PCDHGB3: variants seen among roughly 807,000 people sequenced by gnomAD.
PCDHGB3 encodes the protein protocadherin gamma-B3.
In PCDHGB3, 40 loss-of-function variants were observed where a neutral mutation model predicts 59.2. The ratio of observed to expected loss-of-function variants is 0.68; its 90% confidence interval spans 0.52 to 0.88. The LOEUF (loss-of-function observed/expected upper bound fraction) is 0.88, where lower values mean the gene tolerates loss of function less well. PCDHGB3 is among the 40% of genes least tolerant of loss of function. The pLI is 0.00. For synonymous variants in PCDHGB3, 581 were observed against 503.6 expected (o/e 1.15, Z -2.06); for missense variants, 1,309 against 1,187.9 (o/e 1.10, Z -1.50).
intron 1 of PCDHGB3, chr5:141,415,696 G>A (rs867312295): frequency 2.9e-6 from 4 of 1,397,470 alleles, no homozygotes; most frequent in Non-Finnish European, 3.8e-6. Flanking sequence ...GGTGGAAAGT[G>A]TAAATGCTAA....
intron 1 of PCDHGB3, among the ~76,000 whole-genome samples, chr5:141,466,063 A>G (rs554503713): frequency 3.3e-5 from 5 of 152,268 alleles, no homozygotes; most frequent in Admixed American, 6.5e-5. Context: ...CGGAGCTTGC[A>G]GTGAGCTGAT....
rs773383689 is a variant in PCDHGB3, at chr5:141,383,358, G to T, written c.2415+10549G>T. 5 of 1,613,982 alleles carry T rather than the reference G, an allele frequency of 3.1e-6. No individual in the cohort carries two copies. The South Asian group carries it at 3.3e-5, about 11-fold the overall frequency. ...ATACAGCTCCTGGGGTTCGGTTTCC[G>T]TTAAGCGAGGCTGGGGATCCAGATG... On this transcript the variant is annotated intron_variant, in intron 1 of 3. Transcript: ENST00000576222.
intron 1 of PCDHGB3, chr5:141,426,967 T>G (rs151241654): frequency 2.2e-6 from 1 of 456,702 alleles, no homozygotes; most frequent in East Asian, 6.9e-5. Context: ...GCAATTCAAA[T>G]TGAGGTCACT....
At chr5:141,374,580 C>T (rs745902303) in intron 1 of PCDHGB3, 1 of 1,613,706 alleles carries the variant, frequency 6.2e-7, no homozygotes, top group Non-Finnish European at 8.5e-7. Context: ...GGAATGAACT[C>T]CCTTCAGGGA....
Position 141,371,589 on chromosome 5 carries a change from A to G in PCDHGB3, c.1195A>G (p.Lys399Glu). Residue 399 changes from lysine to glutamate, a missense_variant, in exon 1 of 4, where the codon AAA (lysine) becomes GAA (glutamate). Physicochemically the swap from Lys to Glu is moderately conservative, Grantham distance 56. Transcript: ENST00000576222. ...CCCCTTTAAAATCGTTCAAGATACC[A>G]AAAACACATACAGGTTGGTGACAGA... ...NFPFKIVQDT[K>E]NTYRLVTDGA... 6.2e-7 allele frequency: 1 copy of G among 1,613,602 alleles called. No homozygotes were observed. Among genetic ancestry groups the G allele is most frequent in the Non-Finnish European group, 8.5e-7 (1 of 1,179,528 alleles).
chr5:141,383,074 C>T, intron 1 of PCDHGB3: 3 of 1,613,886 alleles, frequency 1.9e-6, no homozygotes, highest in Non-Finnish European at 2.5e-6. Context: ...GCCCCGGGAG[C>T]TGGCGGAGCG....
intron 2 of PCDHGB3, among the ~76,000 whole-genome samples, chr5:141,499,869 G>A (rs1247615457): frequency 3.3e-5 from 5 of 151,938 alleles, no homozygotes; most frequent in Non-Finnish European, 5.9e-5. Context: ...TGTATTTTCA[G>A]TACAAACAGG....
intron 1 of PCDHGB3, among the ~76,000 whole-genome samples, chr5:141,488,117 G>A (rs1231303931): frequency 6.6e-6 from 1 of 152,190 alleles, no homozygotes; most frequent in African/African-American, 2.4e-5. Flanking sequence ...GAAACATAGA[G>A]ACAGCAGAAA....
At chr5:141,450,829 ATT>A (rs373424450) in intron 1 of PCDHGB3, among the ~76,000 whole-genome samples, 3 of 135,116 alleles carry the variant, frequency 2.2e-5, no homozygotes, top group African/African-American at 2.7e-5. Flanking sequence ...TATTATTATT[ATT>A]TTTTTTTTTT....
chr5:141,374,241 G>T lies in PCDHGB3; in HGVS notation c.2415+1432G>T, dbSNP rs761928573. The T allele has an allele frequency of 2.5e-6, 4 of 1,614,020 alleles. No homozygotes were observed. In the Admixed American group the frequency reaches 6.7e-5, roughly 27 times the overall value. On this transcript the variant is annotated intron_variant, in intron 1 of 3. Transcript: ENST00000576222. Reference sequence around the variant, plus strand: ...GTAGGCAACATCGTCAAGGATCTGGGACTGGAGCCCCAGGAGTTGGCGGAG... The same window carrying T: ...GTAGGCAACATCGTCAAGGATCTGGTACTGGAGCCCCAGGAGTTGGCGGAG...
chr5:141,380,676 T>TA (rs1776652796), intron 1 of PCDHGB3, among the ~76,000 whole-genome samples: 1 of 152,246 alleles, frequency 6.6e-6, no homozygotes, highest in Non-Finnish European at 1.5e-5. Flanking sequence ...ATAGGGTATG[T>TA]ATGCTTTGTG....
rs766164142 is a variant in PCDHGB3, at chr5:141,477,910, G to A, written c.2416-16897G>A. On this transcript the variant is annotated intron_variant, in intron 1 of 3. Transcript: ENST00000576222. The surrounding 1 kb of genome is among the most constrained non-coding windows in gnomAD (Gnocchi z 4.9). ...TGTCACGGGTGGTAGGCTGGGACGC[G>A]GATGCAGGGCACAATGCCTGGCTCT... 6.2e-7 allele frequency: 1 copy of A among 1,614,166 alleles called. No individual in the cohort carries two copies. Among genetic ancestry groups the A allele is most frequent in the Admixed American group, 1.7e-5 (1 of 60,020 alleles).
chr5:141,405,041 G>A (rs1276032851), intron 1 of PCDHGB3: 1 of 1,613,976 alleles, frequency 6.2e-7, no homozygotes, highest in Non-Finnish European at 8.5e-7. Flanking sequence ...CGTTGTGGCT[G>A]TGGCAGTCGT....
Position 141,370,273 on chromosome 5 carries a change from C to G in PCDHGB3, c.-122C>G. The G allele has an allele frequency of 1.2e-6, 1 of 809,002 alleles. No individual in the cohort carries two copies. The highest frequency in any genetic ancestry group is 2.7e-5 in the East Asian group (1 of 37,502). The allele number at this position is 809,002 out of a possible 1,614,324, so 50.1% of individuals were successfully genotyped here. A position where few individuals can be genotyped will look rare whatever the true frequency, so the allele number is the denominator to read the frequency against. ...TCTATCAGGCTTCCTGCAGCGGAGA[C>G]ACCCATTAGAGAACCCAAGCACAAA... On this transcript the variant is annotated 5_prime_UTR_variant, in exon 1 of 4. Coordinates refer to ENST00000576222, the MANE Select transcript of PCDHGB3 (RefSeq NM_018924.5).
intron 1 of PCDHGB3, among the ~76,000 whole-genome samples, chr5:141,437,550 A>T (rs866913156): frequency 6.6e-6 from 1 of 152,192 alleles, no homozygotes; most frequent in African/African-American, 2.4e-5. Context: ...AGTTTTCTTT[A>T]TGACATGTAA....
At chr5:141,394,425 G>A (rs2092997484) in intron 1 of PCDHGB3, 6 of 1,614,232 alleles carry the variant, frequency 3.7e-6, no homozygotes, top group Non-Finnish European at 5.1e-6. Flanking sequence ...CAGCGACAGC[G>A]GGGACCCGCC....
At chr5:141,428,136 G>A in intron 1 of PCDHGB3, 2 of 1,600,778 alleles carry the variant, frequency 1.2e-6, no homozygotes, top group South Asian at 1.1e-5. Flanking sequence ...TTTCAGCCTG[G>A]GGCTGCACAC....
chr5:141,389,569 A>T, intron 1 of PCDHGB3: 2 of 1,613,182 alleles, frequency 1.2e-6, no homozygotes, highest in Non-Finnish European at 1.7e-6. Context: ...CGGGTGCTGT[A>T]CCCCGCGCTG....
chr5:141,432,946 A>G lies in PCDHGB3; in HGVS notation c.2415+60137A>G. 2 of 1,614,130 alleles carry G rather than the reference A, an allele frequency of 1.2e-6. No individual in the cohort carries two copies. The highest frequency in any genetic ancestry group is 1.1e-5 in the South Asian group (1 of 91,080). ...AGTCACGCCTGCTGCAGGCTTCAGG[A>G]GGCGGCTTGACAGGAGCGCCGGCGT... is the stretch of plus-strand genomic sequence containing the variant. On this transcript the variant is annotated intron_variant, in intron 1 of 3. Coordinates refer to ENST00000576222, the MANE Select transcript of PCDHGB3 (RefSeq NM_018924.5). This position sits in a 1 kb window ranked among gnomAD's most constrained non-coding sequence, Gnocchi z 6.0.
Sources: allele counts gnomAD v4.1 joint callset (sites outside exome capture counted in the v4.1 genomes callset), GRCh38; gene constraint gnomAD v4.1.1; non-coding constraint Gnocchi (gnomAD v3.1); transcripts MANE v1.5; gene names NCBI Gene and HGNC (gene_info 2026-07-23, HGNC 2026-07-21).